Variants in SDHAF4 observed in about 807,000 individuals in gnomAD.
SDHAF4 encodes succinate dehydrogenase assembly factor 4, mitochondrial.
A neutral mutation model predicts 14.3 loss-of-function variants in SDHAF4; 14 were observed. That is an observed-to-expected ratio of 0.98 (90% confidence interval 0.65 to 1.53). The LOEUF (loss-of-function observed/expected upper bound fraction) is 1.53. SDHAF4 is among the 40% of genes most tolerant of loss of function. The pLI, the probability that SDHAF4 is intolerant of heterozygous loss-of-function variation, is 0.00. For synonymous variants in SDHAF4, 63 were observed against 47.3 expected (o/e 1.33, Z -1.36); for missense variants, 141 against 129.3 (o/e 1.09, Z -0.44).
At chr6:70,573,457 T>G (rs1436970002) in intron 1 of SDHAF4, among the ~76,000 whole-genome samples, 3 of 150,992 alleles carry the variant, frequency 2.0e-5, no homozygotes, top group Non-Finnish European at 4.4e-5. Context: ...AGAGACGCAG[T>G]TTCACCAGAT....
At chr6:70,597,389 T>C in the SDHAF4 span, among the ~76,000 whole-genome samples, 1 of 150,296 alleles carries the variant, frequency 6.7e-6, no homozygotes, top group East Asian at 1.9e-4. Context: ...CCTCCAGTGA[T>C]CTGCCTGCTT....
intron 1 of SDHAF4, among the ~76,000 whole-genome samples, chr6:70,573,116 T>C (rs1802205745): frequency 6.6e-6 from 1 of 152,086 alleles, no homozygotes. Flanking sequence ...TAGCTAAGAC[T>C]ATAGGCACCA....
chr6:70,596,528 G>T, the SDHAF4 span: 1 of 152,110 alleles, frequency 6.6e-6, no homozygotes, highest in African/African-American at 2.4e-5. Flanking sequence ...CATCTGTTTT[G>T]TAGAGAACCT....
At chr6:70,589,774 T>C (rs1765242402), downstream of SDHAF4, among the ~76,000 whole-genome samples, 1 of 152,170 alleles carries the variant, frequency 6.6e-6, no homozygotes, top group African/African-American at 2.4e-5. Context: ...AACTTCTCTG[T>C]GCTTCAATAT....
At chr6:70,598,323 G>A in the SDHAF4 span, among the ~76,000 whole-genome samples, 1 of 152,202 alleles carries the variant, frequency 6.6e-6, no homozygotes, top group Non-Finnish European at 1.5e-5. Flanking sequence ...AGGTTGCAGT[G>A]AGCTGAGGTG....
At chr6:70,594,624 A>G in the SDHAF4 span, among the ~76,000 whole-genome samples, 2 of 151,910 alleles carry the variant, frequency 1.3e-5, no homozygotes, top group Non-Finnish European at 2.9e-5. Context: ...AATAAATACC[A>G]TTTTTCAGCC....
intron 2 of SDHAF4, among the ~76,000 whole-genome samples, chr6:70,588,248 C>T (rs1413288836): frequency 2.6e-5 from 4 of 152,182 alleles, no homozygotes; most frequent in Non-Finnish European, 4.4e-5. Context: ...AGGCTGGTCT[C>T]GGCGGCTCAC....
chr6:70,578,888 C>T (rs751088638), intron 1 of SDHAF4, among the ~76,000 whole-genome samples: 6 of 152,044 alleles, frequency 3.9e-5, no homozygotes, highest in Non-Finnish European at 7.3e-5. Context: ...ACTATGTTAC[C>T]CAGACTAGAA....
chr6:70,589,603 T>TA (rs1765241151), downstream of SDHAF4: 3 of 152,216 alleles, frequency 2.0e-5, no homozygotes, highest in African/African-American at 7.2e-5. Context: ...GGATAGTGGC[T>TA]TTTAACATGT....
chr6:70,575,766 C>T (rs1055514024), intron 1 of SDHAF4, among the ~76,000 whole-genome samples: 2 of 151,746 alleles, frequency 1.3e-5, no homozygotes, highest in South Asian at 4.1e-4. Context: ...ATTATTTCTT[C>T]TTTTAGAAGG....
downstream of SDHAF4, among the ~76,000 whole-genome samples, chr6:70,589,985 C>T (rs1765244379): frequency 6.6e-6 from 1 of 152,142 alleles, no homozygotes; most frequent in South Asian, 2.1e-4. Flanking sequence ...TGCCTGTAAT[C>T]CCAGCACTTT....
downstream of SDHAF4, among the ~76,000 whole-genome samples, chr6:70,591,005 GA>G (rs978767898): frequency 3.9e-5 from 6 of 152,004 alleles, no homozygotes; most frequent in Admixed American, 3.3e-4. Context: ...AGTGAGGCAA[GA>G]AAAAAGGAGT....
chr6:70,595,146 G>A, the SDHAF4 span, among the ~76,000 whole-genome samples: 1 of 152,152 alleles, frequency 6.6e-6, no homozygotes, highest in Non-Finnish European at 1.5e-5. Context: ...TGGAAGGACA[G>A]GAACTGCTGG....
At chr6:70,592,136 A>G (rs1054680582), downstream of SDHAF4, among the ~76,000 whole-genome samples, 4 of 152,232 alleles carry the variant, frequency 2.6e-5, no homozygotes, top group Non-Finnish European at 5.9e-5. Context: ...CTCCAAAACC[A>G]TAAGAAATAA....
At chr6:70,583,538 G>C (rs1026594947) in intron 2 of SDHAF4, among the ~76,000 whole-genome samples, 1 of 152,192 alleles carries the variant, frequency 6.6e-6, no homozygotes, top group Admixed American at 6.5e-5. Context: ...CAGCTAATGG[G>C]CCTCTTTGGC....
chr6:70,591,870 G>A (rs1765261632), downstream of SDHAF4, among the ~76,000 whole-genome samples: 1 of 152,198 alleles, frequency 6.6e-6, no homozygotes, highest in Non-Finnish European at 1.5e-5. Context: ...ACCTTTAAGA[G>A]GTGATTGGCC....
At chr6:70,573,303 G>A (rs1490466902) in intron 1 of SDHAF4, among the ~76,000 whole-genome samples, 1 of 119,550 alleles carries the variant, frequency 8.4e-6, no homozygotes, top group South Asian at 2.5e-4. Flanking sequence ...TCACTCTGTC[G>A]CCCAGGCTGG....
At chr6:70,580,350 G>A (rs1016399378) in intron 2 of SDHAF4, among the ~76,000 whole-genome samples, 7 of 152,190 alleles carry the variant, frequency 4.6e-5, no homozygotes, top group Non-Finnish European at 8.8e-5. Context: ...AGGATGTGGA[G>A]AAATTGAAAC....
chr6:70,586,914 A>G (rs1033219180), intron 2 of SDHAF4, among the ~76,000 whole-genome samples: 6 of 152,152 alleles, frequency 3.9e-5, no homozygotes, highest in Non-Finnish European at 7.3e-5. Flanking sequence ...CACGCCTGTA[A>G]CCCCAGCACT....
Sources: gnomAD v4.1 joint callset for allele counts (sites outside exome capture counted in the v4.1 genomes callset) on GRCh38, gnomAD v4.1.1 for gene constraint, MANE v1.5 for transcripts, NCBI Gene and HGNC (gene_info 2026-07-23, HGNC 2026-07-21) for gene names.